Variants in GPHN observed in about 807,000 individuals in gnomAD.
The protein encoded by GPHN is gephyrin.
In GPHN, 17 loss-of-function variants were observed where a neutral mutation model predicts 95.5. The ratio of observed to expected loss-of-function variants is 0.18; its 90% CI spans 0.12 to 0.27. GPHN has a LOEUF of 0.27. Among genes scored for constraint, GPHN ranks in the 10% least tolerant of loss-of-function variants. The pLI is 1.00. For missense variants in GPHN, 660 were observed against 978.1 expected (o/e 0.67, Z 4.34); for synonymous variants, 320 against 322.5 (o/e 0.99, Z 0.08).
At chr14:67,177,065 GTCTCTATCTCCATCAGT>G (rs1415849480) in intron 21 of GPHN, among the ~76,000 whole-genome samples, 18 of 151,998 alleles carry the variant, frequency 1.2e-4, no homozygotes, top group Admixed American at 1.2e-3. Context: ...GGTTTTTTGT[GTCTCTATCTCCATCAGT>G]TCTGCTCTGA....
intron 5 of GPHN, among the ~76,000 whole-genome samples, chr14:66,888,121 A>C (rs1315931781): frequency 6.6e-6 from 1 of 152,214 alleles, no homozygotes; most frequent in Admixed American, 6.5e-5. Flanking sequence ...TTTTGAGACA[A>C]CTCTAAAACG....
chr14:67,334,625 A>G, the GPHN span: 1 of 152,436 alleles, frequency 6.6e-6, no homozygotes, highest in East Asian at 1.9e-4. Flanking sequence ...AGTTGGCTGG[A>G]GAGTGTTTTA....
At chr14:67,652,444 G>A in the GPHN span, 9 of 184,508 alleles carry the variant, frequency 4.9e-5, no homozygotes, top group Non-Finnish European at 1.1e-4. Context: ...TGAGAACCAT[G>A]GTGGCTCTAT....
the GPHN span, among the ~76,000 whole-genome samples, chr14:67,629,777 T>C: frequency 1.3e-5 from 2 of 152,198 alleles, no homozygotes; most frequent in African/African-American, 4.8e-5. Flanking sequence ...TTCAAGATCC[T>C]ACAGTAAAAG....
the GPHN span, among the ~76,000 whole-genome samples, chr14:67,656,199 T>G: frequency 2.0e-5 from 3 of 147,982 alleles, no homozygotes; most frequent in African/African-American, 7.5e-5. Context: ...CAAGTGGAGA[T>G]CACGCCACTG....
At chr14:67,089,133 CTTTTTTTTTTTTTTTT>C (rs1163483546) in intron 12 of GPHN, 58 bp downstream of exon 12, 2 of 200,446 alleles carry the variant, frequency 1.0e-5, no homozygotes, top group African/African-American at 9.0e-5. Flanking sequence ...TTCTTTTTTT[CTTTTTTTTTTTTTTTT>C]TTTTTTTTTC....
the GPHN span, chr14:67,340,525 TA>T: frequency 0.45 from 615,203 of 1,381,760 alleles, 115,695 homozygotes; most frequent in African/African-American, 0.81. Flanking sequence ...ATGACTAGAA[TA>T]AAAAAAAAAA....
At chr14:67,003,935 C>T (rs184568367) in intron 9 of GPHN, among the ~76,000 whole-genome samples, 72 of 124,552 alleles carry the variant, frequency 5.8e-4, no homozygotes, top group African/African-American at 2.8e-3. Flanking sequence ...TTTCTACTGC[C>T]GGGTCTGTGT....
intron 17 of GPHN, among the ~76,000 whole-genome samples, chr14:67,124,023 T>C (rs912593520): frequency 2.0e-5 from 3 of 152,148 alleles, no homozygotes; most frequent in Non-Finnish European, 2.9e-5. Flanking sequence ...TTTTTCTTTC[T>C]CTGAGGACAC....
intron 2 of GPHN, among the ~76,000 whole-genome samples, chr14:66,681,848 T>C (rs2066954281): frequency 6.6e-6 from 1 of 151,252 alleles, no homozygotes; most frequent in South Asian, 2.1e-4. Context: ...CACTGTTTAT[T>C]AAAAAAAAAT....
chr14:67,433,833 A>C, the GPHN span, among the ~76,000 whole-genome samples: 12 of 152,366 alleles, frequency 7.9e-5, no homozygotes, highest in Admixed American at 7.2e-4. Flanking sequence ...ATCACTGTTT[A>C]ACAAATATCG....
At chr14:66,964,833 T>A (rs977271428) in intron 8 of GPHN, among the ~76,000 whole-genome samples, 2 of 152,170 alleles carry the variant, frequency 1.3e-5, no homozygotes, top group Admixed American at 1.3e-4. Context: ...GTGAAAATGG[T>A]TGGAGACTGA....
At chr14:67,244,884 T>TA in the GPHN span, among the ~76,000 whole-genome samples, 1 of 152,176 alleles carries the variant, frequency 6.6e-6, no homozygotes, top group Admixed American at 6.5e-5. Context: ...TTAGGGAGAT[T>TA]ATTGTGGATT....
the GPHN span, among the ~76,000 whole-genome samples, chr14:67,539,337 T>C: frequency 1.3e-5 from 2 of 152,162 alleles, no homozygotes; most frequent in Non-Finnish European, 2.9e-5. Flanking sequence ...GAGATGGGGA[T>C]TGCTGGGAGG....
chr14:67,661,848 T>C, the GPHN span, among the ~76,000 whole-genome samples: 2 of 152,190 alleles, frequency 1.3e-5, no homozygotes, highest in Non-Finnish European at 2.9e-5. Flanking sequence ...CCTATCTTAA[T>C]GGCCAGCTCT....
chr14:66,866,153 C>A (rs1304631662), intron 4 of GPHN, among the ~76,000 whole-genome samples: 1 of 152,094 alleles, frequency 6.6e-6, no homozygotes, highest in East Asian at 1.9e-4. Flanking sequence ...CAATCCCAAT[C>A]CTAGGGTGTA....
chr14:67,524,138 T>G, the GPHN span, among the ~76,000 whole-genome samples: 1 of 152,152 alleles, frequency 6.6e-6, no homozygotes, highest in Non-Finnish European at 1.5e-5. Context: ...GGGCTTTTGA[T>G]ATTTATTTTT....
intron 18 of GPHN, among the ~76,000 whole-genome samples, chr14:67,144,798 G>A (rs953717834): frequency 3.9e-5 from 6 of 152,194 alleles, no homozygotes; most frequent in Admixed American, 2.0e-4. Flanking sequence ...AAGAATGCCT[G>A]CCTTCCATTC....
chr14:67,297,704 C>T, the GPHN span, among the ~76,000 whole-genome samples: 6 of 127,708 alleles, frequency 4.7e-5, no homozygotes, highest in East Asian at 1.0e-3. Context: ...ATTAATAGGA[C>T]ATAGTGTCTA....
Sources: gnomAD v4.1 joint callset for allele counts (sites outside exome capture counted in the v4.1 genomes callset) on GRCh38, gnomAD v4.1.1 for gene constraint, MANE v1.5 for transcripts, NCBI Gene and HGNC (gene_info 2026-07-23, HGNC 2026-07-21) for gene names.